LRRC40: variants seen among roughly 807,000 people sequenced by gnomAD.
The protein encoded by LRRC40 is leucine rich repeat containing 40.
In LRRC40, 76 loss-of-function variants were observed where a neutral mutation model predicts 72.8. That is an observed-to-expected ratio of 1.04 (90% CI 0.87 to 1.26). The LOEUF is 1.26. Among genes scored for constraint, LRRC40 ranks in the 50% most tolerant of loss-of-function variants. The pLI is 0.00. For synonymous variants in LRRC40, 243 were observed against 254.2 expected (o/e 0.96, Z 0.42); for missense variants, 684 against 698.9 (o/e 0.98, Z 0.24).
chr1:70,174,571 A>G (rs1294145171), intron 7 of LRRC40, among the ~76,000 whole-genome samples: 1 of 152,126 alleles, frequency 6.6e-6, no homozygotes, highest in African/African-American at 2.4e-5. Flanking sequence ...ACTGCGGTAT[A>G]TCTATCTCTG....
At chr1:70,196,246 T>A (rs1668607455) in intron 1 of LRRC40, among the ~76,000 whole-genome samples, 1 of 152,164 alleles carries the variant, frequency 6.6e-6, no homozygotes, top group African/African-American at 2.4e-5. Context: ...TGGACTATTA[T>A]TCAGCAATTT....
intron 7 of LRRC40, 80 bp downstream of exon 7, chr1:70,175,730 G>T: frequency 9.5e-7 from 1 of 1,047,430 alleles, no homozygotes; most frequent in East Asian, 3.0e-5. Flanking sequence ...GGAACCTCTT[G>T]GTTTTTTAAC....
chr1:70,167,877 A>G (rs544574242), intron 9 of LRRC40, among the ~76,000 whole-genome samples: 2 of 152,278 alleles, frequency 1.3e-5, no homozygotes, highest in Non-Finnish European at 2.9e-5. Flanking sequence ...AGCCTCCCAA[A>G]GTGCTGGGAT....
At chr1:70,176,393 G>A (rs558600177) in intron 6 of LRRC40, among the ~76,000 whole-genome samples, 198 of 151,922 alleles carry the variant, frequency 1.3e-3, no homozygotes, top group African/African-American at 4.6e-3. Context: ...TTAGCCAGGC[G>A]TGGTGGAGCG....
In LRRC40 at chr1:70,197,625, T is replaced by C. The variant is rs546846646; in HGVS notation, c.151+7765A>G. Among the ~76,000 whole-genome samples, 40 of 149,344 alleles carry C rather than the reference T, an allele frequency of 2.7e-4. No homozygotes were observed. In the South Asian group the frequency reaches 4.5e-3, roughly 17 times the overall value. ...TTTTTTTTTAAGCAAACTGTCTTAC[T>C]CTTTTTTCCACTGGTAACAGCTAAA... On this transcript the variant is annotated intron_variant, in intron 1 of 14. Coordinates refer to ENST00000370952, the MANE Select transcript of LRRC40 (RefSeq NM_017768.5).
intron 9 of LRRC40, among the ~76,000 whole-genome samples, chr1:70,160,216 A>G (rs985216745): frequency 3.9e-5 from 6 of 152,222 alleles, no homozygotes; most frequent in African/African-American, 1.4e-4. Flanking sequence ...GCATTAGCAC[A>G]TAAGAGCAGA....
intron 4 of LRRC40, among the ~76,000 whole-genome samples, chr1:70,183,378 T>C (rs1668288240): frequency 6.6e-6 from 1 of 151,938 alleles, no homozygotes; most frequent in African/African-American, 2.4e-5. Flanking sequence ...TAGCCTGCAG[T>C]GGAATCTTAT....
chr1:70,176,132 A>C (rs111581869), intron 6 of LRRC40, 150 bp from the exon 7 acceptor site: 318 of 468,140 alleles, frequency 6.8e-4, no homozygotes, highest in African/African-American at 6.0e-3. Flanking sequence ...TTAAATTTTC[A>C]ATTATATTTA....
intron 4 of LRRC40, among the ~76,000 whole-genome samples, chr1:70,181,450 G>T (rs1668244651): frequency 1.3e-5 from 2 of 151,926 alleles, no homozygotes; most frequent in Non-Finnish European, 2.9e-5. Flanking sequence ...GGATATAAAT[G>T]AATTCTAACT....
chr1:70,175,538 C>A (rs948574925), intron 7 of LRRC40, among the ~76,000 whole-genome samples: 79 of 152,120 alleles, frequency 5.2e-4, no homozygotes, highest in African/African-American at 1.7e-3. Flanking sequence ...GTAACTAGAA[C>A]TAAATTTTAC....
chr1:70,159,116 T>C (rs1319374850), intron 10 of LRRC40, among the ~76,000 whole-genome samples: 1 of 152,156 alleles, frequency 6.6e-6, no homozygotes, highest in African/African-American at 2.4e-5. Flanking sequence ...TTGTCCTTTT[T>C]ACTGAAGGGT....
At chr1:70,152,585 C>G (rs758437902) in intron 11 of LRRC40, 42 bp from the exon 12 acceptor site, 6 of 986,388 alleles carry the variant, frequency 6.1e-6, no homozygotes, top group Non-Finnish European at 9.7e-6. Context: ...CTTGAATTCA[C>G]TGCCAGAACT....
chr1:70,200,303 G>A (rs964206138), intron 1 of LRRC40, among the ~76,000 whole-genome samples: 5 of 151,926 alleles, frequency 3.3e-5, no homozygotes, highest in Non-Finnish European at 5.9e-5. Context: ...CCATCTCTGC[G>A]AAAAATTTCA....
intron 1 of LRRC40, among the ~76,000 whole-genome samples, chr1:70,195,168 G>T (rs1242669327): frequency 6.6e-6 from 1 of 151,620 alleles, no homozygotes; most frequent in Non-Finnish European, 1.5e-5. Flanking sequence ...AAATGTCTTG[G>T]GACAGAAAAA....
At chr1:70,201,592 CA>C (rs1668738946) in intron 1 of LRRC40, among the ~76,000 whole-genome samples, 1 of 152,094 alleles carries the variant, frequency 6.6e-6, no homozygotes, top group Non-Finnish European at 1.5e-5. Context: ...GACACCTCAC[CA>C]AAGAGATATA....
intron 1 of LRRC40, among the ~76,000 whole-genome samples, chr1:70,199,328 C>T (rs1396743531): frequency 6.6e-6 from 1 of 151,852 alleles, no homozygotes; most frequent in Non-Finnish European, 1.5e-5. Context: ...ATGCTTTTCT[C>T]TATAGATTCT....
At chr1:70,150,024 C>T (rs575096032) in intron 13 of LRRC40, among the ~76,000 whole-genome samples, 112 of 152,116 alleles carry the variant, frequency 7.4e-4, no homozygotes, top group African/African-American at 2.5e-3. Flanking sequence ...GGGGTTCAAG[C>T]GATTCTCCTG....
At chr1:70,170,378 T>C (rs1178901909) in intron 9 of LRRC40, among the ~76,000 whole-genome samples, 1 of 151,972 alleles carries the variant, frequency 6.6e-6, no homozygotes, top group Admixed American at 6.6e-5. Context: ...TCCTGGAGGG[T>C]CTAGCCAAAG....
Position 70,148,517 on chromosome 1 carries a change from G to A in LRRC40, c.1673C>T (p.Pro558Leu), listed in dbSNP as rs767431435. ...DLQNNDLLQI[P>L]PELGNCVNLR... ...GTTTACACAATTACCGAGCTCTGGTGGAATTTGTAAGAGGTCATTATTTTG... is the reference window on the plus strand; with the variant it reads ...GTTTACACAATTACCGAGCTCTGGTAGAATTTGTAAGAGGTCATTATTTTG... The change falls in exon 14 of 15, where the codon CCA (proline) becomes CTA (leucine). Residue 558 changes from proline to leucine, a missense_variant. By Grantham distance (98) the Pro-to-Leu change is moderately conservative. Transcript: ENST00000370952. 14 of 1,612,882 alleles carry A rather than the reference G, an allele frequency of 8.7e-6. No individual in the cohort carries two copies. In the East Asian group the frequency reaches 3.1e-4, roughly 36 times the overall value.
Sources: allele counts gnomAD v4.1 joint callset (sites outside exome capture counted in the v4.1 genomes callset), GRCh38; gene constraint gnomAD v4.1.1; transcripts MANE v1.5; gene names NCBI Gene and HGNC (gene_info 2026-07-23, HGNC 2026-07-21).